ZNF536: variants seen among roughly 807,000 people sequenced by gnomAD.
ZNF536 encodes zinc finger protein 536.
Under a neutral mutation model 84.5 loss-of-function variants are expected in ZNF536, and 13 were observed. The ratio of observed to expected loss-of-function variants is 0.15; its 90% CI spans 0.10 to 0.24. The LOEUF is 0.24. ZNF536 is among the 10% of genes least tolerant of loss of function. The pLI is 1.00. For missense variants in ZNF536, 1,536 were observed against 1,747.5 expected (o/e 0.88, Z 2.16); for synonymous variants, 811 against 742.5 (o/e 1.09, Z -1.50).
At chr19:30,546,590 A>G (rs2045567034) in intron 3 of ZNF536, among the ~76,000 whole-genome samples, 1 of 152,148 alleles carries the variant, frequency 6.6e-6, no homozygotes, top group Admixed American at 6.5e-5. Context: ...GAGAACTGGG[A>G]CTCATGCCTT....
chr19:30,626,899 C>A (rs939570156), intron 1 of ZNF536, among the ~76,000 whole-genome samples: 1 of 152,206 alleles, frequency 6.6e-6, no homozygotes, highest in African/African-American at 2.4e-5. Flanking sequence ...AGGCTGCCCT[C>A]CCGTCCTTCC....
chr19:30,683,521 C>T (rs1006902740), intron 1 of ZNF536, among the ~76,000 whole-genome samples: 2 of 151,586 alleles, frequency 1.3e-5, no homozygotes, highest in African/African-American at 4.8e-5. Context: ...CAGCCCACCT[C>T]ATCTGGGACT....
intron 2 of ZNF536, among the ~76,000 whole-genome samples, chr19:30,333,173 G>A (rs1358218413): frequency 6.6e-6 from 1 of 152,004 alleles, no homozygotes; most frequent in Non-Finnish European, 1.5e-5. Context: ...TAATAAGTAA[G>A]TAAGTAAATA....
intron 2 of ZNF536, among the ~76,000 whole-genome samples, chr19:30,342,243 C>T (rs1395076227): frequency 4.6e-5 from 7 of 152,126 alleles, no homozygotes; most frequent in African/African-American, 2.4e-5. Context: ...TGTTTGCTTT[C>T]GACACACAGT....
chr19:30,550,003 A>G (rs2045712933), intron 4 of ZNF536, among the ~76,000 whole-genome samples: 1 of 152,220 alleles, frequency 6.6e-6, no homozygotes, highest in African/African-American at 2.4e-5. Context: ...CACACTAACA[A>G]CAGTATGGAA....
At chr19:30,664,405 A>G (rs1329255437) in intron 1 of ZNF536, among the ~76,000 whole-genome samples, 2 of 152,080 alleles carry the variant, frequency 1.3e-5, no homozygotes, top group East Asian at 3.9e-4. Flanking sequence ...CAGTCCTGGC[A>G]TTTGAATCAG....
intron 3 of ZNF536, among the ~76,000 whole-genome samples, chr19:30,364,149 T>C (rs1184483853): frequency 6.6e-6 from 1 of 152,090 alleles, no homozygotes; most frequent in Non-Finnish European, 1.5e-5. Context: ...AAGGTATTTG[T>C]GACTCACTGG....
chr19:30,315,895 A>T (rs2046662096), intron 2 of ZNF536, among the ~76,000 whole-genome samples: 1 of 152,184 alleles, frequency 6.6e-6, no homozygotes, highest in African/African-American at 2.4e-5. Context: ...TATTGTCCTG[A>T]GACTTACTTT....
chr19:30,344,533 T>C (rs2047678961), intron 2 of ZNF536, among the ~76,000 whole-genome samples: 1 of 150,822 alleles, frequency 6.6e-6, no homozygotes, highest in African/African-American at 2.4e-5. Flanking sequence ...TTCATTCCCT[T>C]CTCCGAGTCA....
chr19:30,343,456 A>G (rs1276720652), intron 2 of ZNF536, among the ~76,000 whole-genome samples: 1 of 152,122 alleles, frequency 6.6e-6, no homozygotes, highest in Non-Finnish European at 1.5e-5. Flanking sequence ...TCCCTGCTCC[A>G]TCTCCAGTTG....
chr19:30,486,564 A>C lies in ZNF536; in HGVS notation c.2170+40832A>C, dbSNP rs59178837. On this transcript the variant is annotated intron_variant, in intron 2 of 4. Coordinates refer to ENST00000355537, the MANE Select transcript of ZNF536 (RefSeq NM_014717.3). ...GTGAATAGTGCTGCAGTGAACATAC[A>C]TGTGCATGTATCTTTATAATAGAAT... 6.6e-3 allele frequency among the ~76,000 whole-genome samples: 1,003 copies of C among 152,300 alleles called. 3 individuals carry two copies. Among genetic ancestry groups the C allele is most frequent in the African/African-American group, 0.017 (715 of 41,568 alleles).
At chr19:30,680,148 C>T (rs8102575) in intron 1 of ZNF536, among the ~76,000 whole-genome samples, 53,865 of 151,936 alleles carry the variant, frequency 0.35, 9,767 homozygotes, top group African/African-American at 0.42. Context: ...TCTGTCACAC[C>T]GGGGACAAGA....
At chr19:30,522,257 A>G (rs10422251) in intron 2 of ZNF536, among the ~76,000 whole-genome samples, 80 of 128,806 alleles carry the variant, frequency 6.2e-4, no homozygotes, top group African/African-American at 2.3e-3. Context: ...AGCTGGATAT[A>G]TATACATATA....
intron 1 of ZNF536, among the ~76,000 whole-genome samples, chr19:30,623,056 G>A (rs1234922766): frequency 3.0e-5 from 1 of 32,804 alleles, no homozygotes; most frequent in African/African-American, 1.5e-4. Context: ...TTGTTTTTTT[G>A]AGATGGGATC....
At chr19:30,505,502 T>C (rs2055138128) in intron 2 of ZNF536, among the ~76,000 whole-genome samples, 1 of 149,638 alleles carries the variant, frequency 6.7e-6, no homozygotes, top group South Asian at 2.1e-4. Flanking sequence ...ATAATATATC[T>C]AATGTATATT....
downstream of ZNF536, among the ~76,000 whole-genome samples, chr19:30,562,880 A>G (rs1434294354): frequency 6.6e-6 from 1 of 152,122 alleles, no homozygotes; most frequent in East Asian, 1.9e-4. Context: ...TGAGCTTGCA[A>G]GCCCGGGGTA....
intron 2 of ZNF536, among the ~76,000 whole-genome samples, chr19:30,462,259 G>A (rs1421811837): frequency 1.3e-5 from 2 of 152,056 alleles, no homozygotes; most frequent in African/African-American, 2.4e-5. Flanking sequence ...TGTGATGGAT[G>A]GGAGGAGGCC....
chr19:30,572,710 A>C (rs949994352), intron 1 of ZNF536, among the ~76,000 whole-genome samples: 1 of 152,138 alleles, frequency 6.6e-6, no homozygotes, highest in African/African-American at 2.4e-5. Context: ...CAAACAAATA[A>C]GTTCGGCATA....
At chr19:30,657,614 T>TC (rs1171345573) in intron 1 of ZNF536, among the ~76,000 whole-genome samples, 2 of 152,230 alleles carry the variant, frequency 1.3e-5, no homozygotes, top group African/African-American at 4.8e-5. Context: ...GAAGGACTCA[T>TC]CCTTCCTTGC....
Sources: allele counts gnomAD v4.1 joint callset (sites outside exome capture counted in the v4.1 genomes callset), GRCh38; gene constraint gnomAD v4.1.1; transcripts MANE v1.5; gene names NCBI Gene and HGNC (gene_info 2026-07-23, HGNC 2026-07-21).